FAM169A: variants seen among roughly 807,000 people sequenced by gnomAD.
FAM169A encodes soluble lamin-associated protein of 75 kDa.
A neutral mutation model predicts 75.7 loss-of-function variants in FAM169A; 24 were observed. The observed-to-expected ratio is 0.32, with a 90% CI of 0.23 to 0.45. The LOEUF (loss-of-function observed/expected upper bound fraction) is 0.45, where lower values mean the gene tolerates loss of function less well. Among genes scored for constraint, FAM169A ranks in the 20% least tolerant of loss-of-function variants. FAM169A has a pLI of 1.00. For missense variants in FAM169A, 673 were observed against 784.0 expected, an observed-to-expected ratio of 0.86 and a Z score of 1.69; for synonymous variants, 271 against 271.0, an observed-to-expected ratio of 1.00 and a Z score of 0.00.
intron 5 of FAM169A, among the ~76,000 whole-genome samples, chr5:74,827,638 T>TA (rs1217029921): frequency 8.6e-5 from 13 of 151,558 alleles, no homozygotes; most frequent in Non-Finnish European, 1.6e-4. Flanking sequence ...TTATTTTAAA[T>TA]ACAACTGTTA....
At chr5:74,811,944 C>T (rs958850729) in intron 6 of FAM169A, among the ~76,000 whole-genome samples, 1 of 152,068 alleles carries the variant, frequency 6.6e-6, no homozygotes, top group Non-Finnish European at 1.5e-5. Context: ...GTATGTATTA[C>T]AAGTCTAAGA....
At chr5:74,799,971 A>T (rs1746477867) in intron 10 of FAM169A, 6 of 808,396 alleles carry the variant, frequency 7.4e-6, no homozygotes, top group African/African-American at 3.3e-5. Context: ...CCAGAATAGC[A>T]TCACTCAAGT....
At chr5:74,802,649 G>T (rs1746649335) in intron 8 of FAM169A, among the ~76,000 whole-genome samples, 1 of 151,968 alleles carries the variant, frequency 6.6e-6, no homozygotes, top group Non-Finnish European at 1.5e-5. Flanking sequence ...TCCAACAATG[G>T]ACCATCTAGT....
chr5:74,851,256 G>C (rs961188346), intron 1 of FAM169A, among the ~76,000 whole-genome samples: 1 of 152,174 alleles, frequency 6.6e-6, no homozygotes, highest in Admixed American at 6.6e-5. Flanking sequence ...AGCTCACTTC[G>C]TAGTGCAGTC....
At chr5:74,839,443 G>A (rs748035369) in intron 3 of FAM169A, among the ~76,000 whole-genome samples, 5 of 151,802 alleles carry the variant, frequency 3.3e-5, no homozygotes, top group East Asian at 3.9e-4. Context: ...CATGTAAGAC[G>A]TGCCTGCTTC....
intron 1 of FAM169A, among the ~76,000 whole-genome samples, chr5:74,847,041 G>T (rs527547515): frequency 1.3e-5 from 2 of 152,046 alleles, no homozygotes; most frequent in South Asian, 4.2e-4. Flanking sequence ...GTCAAGTGCC[G>T]GTATCACTAT....
chr5:74,812,820 G>T (rs1028284305), intron 6 of FAM169A, among the ~76,000 whole-genome samples: 63 of 152,198 alleles, frequency 4.1e-4, no homozygotes, highest in African/African-American at 1.5e-3. Flanking sequence ...TGTTGGTGAG[G>T]ATGTGGAGGG....
intron 1 of FAM169A, chr5:74,865,285 G>T (rs1750258424): frequency 6.6e-6 from 1 of 152,162 alleles, no homozygotes; most frequent in African/African-American, 2.4e-5. Context: ...AAATTTTTTA[G>T]AAATATGTCC....
At chr5:74,788,716 A>G (rs897790232) in intron 11 of FAM169A, among the ~76,000 whole-genome samples, 11 of 152,074 alleles carry the variant, frequency 7.2e-5, no homozygotes, top group African/African-American at 2.7e-4. Context: ...AAAAAAAAAA[A>G]AAAGAAAGAA....
chr5:74,859,287 CTTTT>C (rs1020109342), intron 1 of FAM169A, among the ~76,000 whole-genome samples: 3 of 129,070 alleles, frequency 2.3e-5, no homozygotes, highest in African/African-American at 5.6e-5. Context: ...AAGGTTTTCT[CTTTT>C]TTTTTTTTTT....
chr5:74,796,896 T>C (rs929067814), intron 10 of FAM169A, among the ~76,000 whole-genome samples: 1 of 152,168 alleles, frequency 6.6e-6, no homozygotes, highest in Non-Finnish European at 1.5e-5. Context: ...CAACACATTA[T>C]ATGGTTTAGT....
chr5:74,858,714 CAT>C (rs563260295), intron 1 of FAM169A, among the ~76,000 whole-genome samples: 50 of 152,178 alleles, frequency 3.3e-4, no homozygotes, highest in Admixed American at 1.0e-3. Flanking sequence ...CAAATCTGCA[CAT>C]GTCCTCCCGA....
At chr5:74,791,179 A>T (rs1343011388) in intron 11 of FAM169A, among the ~76,000 whole-genome samples, 2 of 152,172 alleles carry the variant, frequency 1.3e-5, no homozygotes, top group Non-Finnish European at 2.9e-5. Flanking sequence ...TTGAAGTCAC[A>T]ATTACAACGC....
intron 5 of FAM169A, among the ~76,000 whole-genome samples, chr5:74,815,863 A>T (rs916946807): frequency 1.2e-4 from 18 of 152,224 alleles, no homozygotes; most frequent in Non-Finnish European, 1.2e-4. Context: ...AACATCAGGA[A>T]GTTACCCAAT....
At position 74,783,077 on chromosome 5, in the gene FAM169A, G is replaced by A. The variant is rs1169950894; in HGVS notation, c.1318C>T (p.Leu440Phe). ...GTGGAGTCTTCCTCTTCTGTTATAAGTGAGGTCTTAAGAGAATCGTCCATT... is the reference window on the plus strand; with the variant it reads ...GTGGAGTCTTCCTCTTCTGTTATAAATGAGGTCTTAAGAGAATCGTCCATT... The part of the protein sequence containing the change: ...EIMDDSLKTS[L>F]ITEEEDSTSE... Residue 440 changes from leucine to phenylalanine, a missense_variant, in exon 12 of 13, where the codon CTT (leucine) becomes TTT (phenylalanine). Around this residue, in one of 3 missense-constraint regions of FAM169A, gnomAD observed 510 missense variants for 550.9 expected, o/e 0.93. Transcript: ENST00000687041. The A allele has an allele frequency of 1.9e-6, 3 of 1,613,642 alleles. No homozygotes were observed. The highest frequency in any genetic ancestry group is 4.5e-5 in the East Asian group (2 of 44,864).
Position 74,805,301 on chromosome 5 carries a change from G to C in FAM169A, c.671-17C>G. The C allele has an allele frequency of 6.2e-7, 1 of 1,604,718 alleles. No homozygotes were observed. The highest frequency in any genetic ancestry group is 1.1e-5 in the South Asian group (1 of 88,866). On this transcript the variant is annotated splice_polypyrimidine_tract_variant and intron_variant, in intron 6 of 12. Transcript: ENST00000687041. ...GCTTGCAAGCTGAAAAACACATTTAGAATTTTCTAGAAATCCCAAATATCC... is the reference window on the plus strand; with the variant it reads ...GCTTGCAAGCTGAAAAACACATTTACAATTTTCTAGAAATCCCAAATATCC...
At chr5:74,825,817 T>C (rs983091428) in intron 5 of FAM169A, among the ~76,000 whole-genome samples, 1 of 152,170 alleles carries the variant, frequency 6.6e-6, no homozygotes, top group African/African-American at 2.4e-5. Context: ...TCTCACTTTA[T>C]GGAGGCTTTC....
At chr5:74,845,264 A>T (rs1474353473) in intron 1 of FAM169A, among the ~76,000 whole-genome samples, 1 of 152,140 alleles carries the variant, frequency 6.6e-6, no homozygotes, top group East Asian at 1.9e-4. Context: ...CACGCCTGTA[A>T]TCCCAGCACT....
intron 5 of FAM169A, among the ~76,000 whole-genome samples, chr5:74,821,073 G>A (rs567303765): frequency 2.0e-5 from 3 of 152,186 alleles, no homozygotes; most frequent in South Asian, 4.2e-4. Flanking sequence ...TGTCCCACAC[G>A]TTCTATTCTT....
Sources: allele counts gnomAD v4.1 joint callset (sites outside exome capture counted in the v4.1 genomes callset), GRCh38; gene constraint gnomAD v4.1.1; regional missense constraint gnomAD v4.1.1; transcripts MANE v1.5; gene names NCBI Gene and HGNC (gene_info 2026-07-23, HGNC 2026-07-21).